Variants in RMST observed in about 807,000 individuals in gnomAD.
RMST encodes rhabdomyosarcoma 2 associated transcript, also known as long intergenic non-protein coding RNA 54.
At chr12:97,514,998 A>G (rs996141426) in intron 10 of RMST, among the ~76,000 whole-genome samples, 2 of 152,170 alleles carry the variant, frequency 1.3e-5, no homozygotes, top group South Asian at 4.1e-4. Flanking sequence ...ACTGTTTTCA[A>G]AGCTAAAGCT....
intron 5 of RMST, among the ~76,000 whole-genome samples, chr12:97,482,777 TTAAA>T (rs1433931346): frequency 1.4e-5 from 2 of 139,004 alleles, no homozygotes; most frequent in African/African-American, 5.6e-5. Context: ...TATTTATTTA[TTAAA>T]TAAATTTATA....
chr12:97,514,290 G>A (rs569082180), intron 10 of RMST, among the ~76,000 whole-genome samples: 55 of 152,270 alleles, frequency 3.6e-4, no homozygotes, highest in African/African-American at 1.2e-3. Flanking sequence ...GACCTTTAAG[G>A]TTTCCTAGAA....
chr12:97,494,140 C>T (rs936844946), intron 8 of RMST: 99 of 152,194 alleles, frequency 6.5e-4, no homozygotes, highest in African/African-American at 2.2e-3. Flanking sequence ...TCAAGTTACG[C>T]ATACATGCAT....
intron 10 of RMST, among the ~76,000 whole-genome samples, chr12:97,498,339 T>G (rs1439429746): frequency 6.6e-6 from 1 of 152,192 alleles, no homozygotes; most frequent in African/African-American, 2.4e-5. Context: ...AGAATTGGAC[T>G]GGTTCGCATT....
chr12:97,480,081 T>A (rs1287828129), intron 5 of RMST, among the ~76,000 whole-genome samples: 1 of 110,144 alleles, frequency 9.1e-6, no homozygotes, highest in Non-Finnish European at 2.1e-5. Context: ...TCTTTTCTTT[T>A]CTTTTTTCTT....
chr12:97,536,520 A>T (rs1335774334), intron 11 of RMST, among the ~76,000 whole-genome samples: 1 of 151,484 alleles, frequency 6.6e-6, no homozygotes, highest in East Asian at 1.9e-4. Context: ...TGGTCAGTCT[A>T]AATCCATCTC....
chr12:97,492,491 T>C (rs1316878001), exon 6 of RMST: 2 of 158,476 alleles, frequency 1.3e-5, no homozygotes, highest in Non-Finnish European at 2.8e-5. Flanking sequence ...AGTGATGGAA[T>C]AGGTTGCCAA....
chr12:97,485,144 C>T (rs940066265), intron 5 of RMST, among the ~76,000 whole-genome samples: 4 of 152,146 alleles, frequency 2.6e-5, no homozygotes, highest in African/African-American at 7.2e-5. Flanking sequence ...AAATAGAGAC[C>T]TGTGACTATT....
intron 5 of RMST, among the ~76,000 whole-genome samples, chr12:97,469,207 CTA>C (rs1364974579): frequency 2.1e-5 from 3 of 141,646 alleles, no homozygotes; most frequent in Non-Finnish European, 4.5e-5. Context: ...TACACATTTA[CTA>C]TATATATAAT....
intron 11 of RMST, among the ~76,000 whole-genome samples, chr12:97,553,359 G>A (rs1218877789): frequency 6.6e-6 from 1 of 152,118 alleles, no homozygotes; most frequent in Non-Finnish European, 1.5e-5. Context: ...ATAATTCAAA[G>A]ATAATTCAAA....
chr12:97,503,931 TTTC>T (rs958117334), intron 10 of RMST, among the ~76,000 whole-genome samples: 3 of 152,156 alleles, frequency 2.0e-5, no homozygotes, highest in African/African-American at 7.2e-5. Context: ...AACTTTTTTT[TTTC>T]TTCTTTTCTG....
intron 5 of RMST, among the ~76,000 whole-genome samples, chr12:97,491,490 C>A (rs576822846): frequency 2.6e-5 from 4 of 152,242 alleles, no homozygotes; most frequent in African/African-American, 9.6e-5. Flanking sequence ...TACCTTTTAA[C>A]CCGTTTGTGT....
At position 97,526,551 on chromosome 12, in the gene RMST, A is replaced by G. The variant is rs75233828; in HGVS notation, n.1341-4104A>G. Among the ~76,000 whole-genome samples the G allele has an allele frequency of 3.3e-3, 504 of 152,304 alleles. 7 individuals are homozygous for G. Among genetic ancestry groups the G allele is most frequent in the African/African-American group, 0.012 (484 of 41,574 alleles). On this transcript the variant is annotated intron_variant and non_coding_transcript_variant, in intron 10 of 13. Transcript: ENST00000640149. ...CCAGGTCTTCACATTCAAAGTCCTGATTTATTTTTACTAAAACTCTCTAAG... is the reference window on the plus strand; with the variant it reads ...CCAGGTCTTCACATTCAAAGTCCTGGTTTATTTTTACTAAAACTCTCTAAG...
At chr12:97,513,578 A>G (rs1190917069) in intron 10 of RMST, among the ~76,000 whole-genome samples, 1 of 152,180 alleles carries the variant, frequency 6.6e-6, no homozygotes, top group East Asian at 1.9e-4. Flanking sequence ...ACCCTAAACA[A>G]ATCTGATGAA....
intron 5 of RMST, among the ~76,000 whole-genome samples, chr12:97,473,702 A>C (rs932223717): frequency 6.6e-6 from 1 of 152,152 alleles, no homozygotes; most frequent in African/African-American, 2.4e-5. Context: ...ACTTAACATT[A>C]AGCAAAGAGC....
intron 10 of RMST, among the ~76,000 whole-genome samples, chr12:97,524,440 C>T (rs552102272): frequency 6.6e-6 from 1 of 152,232 alleles, no homozygotes; most frequent in South Asian, 2.1e-4. Flanking sequence ...TAGAGAGGGC[C>T]AGCAACTGTT....
exon 9 of RMST, chr12:97,494,796 A>G (rs1230967008): frequency 2.0e-5 from 3 of 152,190 alleles, no homozygotes; most frequent in African/African-American, 7.2e-5. Flanking sequence ...TGTTCTATAA[A>G]AGATATTGTC....
rs145952136 is a variant in RMST at position 97,557,440 on chromosome 12, G to C, written n.1546-3097G>C. Among the ~76,000 whole-genome samples the C allele has an allele frequency of 3.5e-4, 54 of 152,236 alleles. 1 individual carries two copies. In the East Asian group the frequency reaches 9.1e-3, roughly 26 times the overall value. On this transcript the variant is annotated intron_variant and non_coding_transcript_variant, in intron 11 of 13. Transcript: ENST00000640149. ...AAGGCAACAACTCTGAAAACAAATA[G>C]AGTCTATTTTCTCCCTGTGGATGCC...
intron 10 of RMST, among the ~76,000 whole-genome samples, chr12:97,514,109 G>A (rs368431726): frequency 2.0e-4 from 31 of 152,320 alleles, no homozygotes; most frequent in African/African-American, 7.5e-4. Context: ...AGCAGAAACT[G>A]GAAGTACAGG....
Sources: allele counts gnomAD v4.1 joint callset (sites outside exome capture counted in the v4.1 genomes callset), GRCh38; gene constraint gnomAD v4.1.1; transcripts MANE v1.5; gene names NCBI Gene and HGNC (gene_info 2026-07-23, HGNC 2026-07-21).